Variants in CAB39L observed in about 807,000 individuals in gnomAD.
CAB39L encodes the protein calcium-binding protein 39-like.
A neutral mutation model predicts 39.1 loss-of-function variants in CAB39L; 23 were observed. The ratio of observed to expected loss-of-function variants is 0.59; its 90% CI spans 0.42 to 0.83. CAB39L has a LOEUF of 0.83. Ranked by LOEUF, CAB39L falls within the 40% of genes least tolerant of loss-of-function variation. CAB39L has a pLI of 0.00. For missense variants in CAB39L, 366 were observed against 391.9 expected, an observed-to-expected ratio of 0.93 and a Z score of 0.56; for synonymous variants, 126 against 137.2, an observed-to-expected ratio of 0.92 and a Z score of 0.57.
At chr13:49,354,516 A>G (rs2181326) in intron 6 of CAB39L, among the ~76,000 whole-genome samples, 1 of 152,348 alleles carries the variant, frequency 6.6e-6, no homozygotes, top group East Asian at 1.9e-4. Context: ...ATCAATATGT[A>G]TCCCACCTAA....
chr13:49,318,128 C>T (rs1028023246), intron 10 of CAB39L, among the ~76,000 whole-genome samples: 18 of 151,908 alleles, frequency 1.2e-4, no homozygotes, highest in Admixed American at 7.9e-4. Flanking sequence ...AAACAAAAAA[C>T]TCTGACAGTA....
chr13:49,377,848 T>A (rs1422414758), intron 4 of CAB39L, among the ~76,000 whole-genome samples: 1 of 73,406 alleles, frequency 1.4e-5, no homozygotes, highest in African/African-American at 8.0e-5. Flanking sequence ...TCTGCCTGGC[T>A]GCCCAGTCTG....
chr13:49,340,944 C>A (rs1310369725), intron 8 of CAB39L, among the ~76,000 whole-genome samples: 1 of 152,122 alleles, frequency 6.6e-6, no homozygotes, highest in Non-Finnish European at 1.5e-5. Flanking sequence ...GATGTAAAAA[C>A]AAAATTAGGT....
Position 49,352,491 on chromosome 13 carries a change from C to T in CAB39L, c.396-1579G>A, listed in dbSNP as rs183501599. The stretch of plus-strand genomic sequence containing the variant: ...AAATCTGGTGGGGCGTGACTGCTCA[C>T]TCCTGTACTCCCAGCACTTTGGGAG... On this transcript the variant is annotated intron_variant, in intron 6 of 10. Transcript: ENST00000409308. Among the ~76,000 whole-genome samples the T allele has an allele frequency of 5.3e-3, 813 of 152,110 alleles. 4 individuals carry two copies. Among genetic ancestry groups the T allele is most frequent in the Non-Finnish European group, 8.0e-3 (546 of 67,978 alleles).
chr13:49,320,282 A>C (rs1217612270), intron 10 of CAB39L, among the ~76,000 whole-genome samples: 3 of 152,166 alleles, frequency 2.0e-5, no homozygotes, highest in South Asian at 4.1e-4. Context: ...TTTTTAAAAA[A>C]TGTAATTTTC....
At chr13:49,352,344 G>T (rs906379186) in intron 6 of CAB39L, among the ~76,000 whole-genome samples, 3 of 152,028 alleles carry the variant, frequency 2.0e-5, no homozygotes, top group African/African-American at 7.3e-5. Context: ...AGTACAACAA[G>T]CCCTGTATTG....
intron 10 of CAB39L, among the ~76,000 whole-genome samples, chr13:49,325,278 C>T (rs537488377): frequency 2.3e-4 from 35 of 152,214 alleles, no homozygotes; most frequent in African/African-American, 8.4e-4. Context: ...AATGAGGACA[C>T]GATAAAGCTG....
chr13:49,428,691 A>G (rs1407746789), intron 3 of CAB39L, among the ~76,000 whole-genome samples: 1 of 152,194 alleles, frequency 6.6e-6, no homozygotes, highest in Non-Finnish European at 1.5e-5. Flanking sequence ...GGAGCTCTCC[A>G]ATAAACTTCT....
intron 3 of CAB39L, among the ~76,000 whole-genome samples, chr13:49,424,907 T>C (rs1459948661): frequency 6.6e-6 from 1 of 152,176 alleles, no homozygotes; most frequent in Admixed American, 6.5e-5. Flanking sequence ...TATCAAATTA[T>C]ATATTTTTAA....
At position 49,350,901 on chromosome 13, in the gene CAB39L, G is replaced by C; in HGVS notation, c.407C>G (p.Pro136Arg). ...AATCCCACAACGTAAGGCAATCTGTGGGGCTTCATATCTAAAGCGTAAACA... is the reference window on the plus strand; with the variant it reads ...AATCCCACAACGTAAGGCAATCTGTCGGGCTTCATATCTAAAGCGTAAACA... Reference protein sequence around the residue: ...LFMLLKGYEAPQIALRCGIML... With the variant: ...LFMLLKGYEARQIALRCGIML... Residue 136 changes from proline to arginine, a missense_variant, in exon 7 of 11, where the codon CCA becomes CGA. Transcript: ENST00000409308. 1 of 1,586,712 alleles carries C rather than the reference G, an allele frequency of 6.3e-7. No individual in the cohort carries two copies. The highest frequency in any genetic ancestry group is 1.2e-5 in the South Asian group (1 of 85,764).
At position 49,331,935 on chromosome 13, in the gene CAB39L, T is replaced by C. The variant is rs368994626; in HGVS notation, c.834+12A>G. Reference sequence around the variant, plus strand: ...TGCCTACAACATTGTTTCCAGAGCTTGTACTTTTTACCTTAAAAACATGAA... The same window carrying C: ...TGCCTACAACATTGTTTCCAGAGCTCGTACTTTTTACCTTAAAAACATGAA... On this transcript the variant is annotated intron_variant, in intron 10 of 10. Coordinates refer to ENST00000409308, the MANE Select transcript of CAB39L (RefSeq NM_001079670.3). 3 of 1,613,600 alleles carry C rather than the reference T, an allele frequency of 1.9e-6. No individual in the cohort carries two copies. The highest frequency in any genetic ancestry group is 1.3e-5 in the African/African-American group (1 of 74,892).
intron 9 of CAB39L, among the ~76,000 whole-genome samples, chr13:49,337,115 T>C (rs1954871164): frequency 6.6e-6 from 1 of 152,186 alleles, no homozygotes; most frequent in Non-Finnish European, 1.5e-5. Flanking sequence ...GCAAAGTAAA[T>C]TGACAAAAAA....
chr13:49,340,572 A>G (rs1954980541), intron 8 of CAB39L, among the ~76,000 whole-genome samples: 1 of 152,262 alleles, frequency 6.6e-6, no homozygotes, highest in Non-Finnish European at 1.5e-5. Flanking sequence ...ACAAAGGTGT[A>G]GCTCACATTA....
chr13:49,407,861 C>CAA (rs35392956), intron 3 of CAB39L, among the ~76,000 whole-genome samples: 58,055 of 113,670 alleles, frequency 0.51, 14,644 homozygotes, highest in Middle Eastern at 0.67. Context: ...GACCCCGTCT[C>CAA]AAAAAAAAAA....
intron 10 of CAB39L, among the ~76,000 whole-genome samples, chr13:49,321,669 A>G (rs1229271558): frequency 6.6e-6 from 1 of 152,178 alleles, no homozygotes. Flanking sequence ...GTTCTTAACT[A>G]CTTATCTAAA....
At chr13:49,339,770 T>C in intron 8 of CAB39L, 28 bp from the exon 9 acceptor site, 1 of 1,523,780 alleles carries the variant, frequency 6.6e-7, no homozygotes, top group African/African-American at 1.4e-5. Flanking sequence ...CACATTAGAG[T>C]GTAAAAGCAG....
intron 5 of CAB39L, among the ~76,000 whole-genome samples, chr13:49,374,701 A>G (rs953738424): frequency 1.3e-5 from 2 of 152,156 alleles, no homozygotes; most frequent in African/African-American, 2.4e-5. Flanking sequence ...TAACTCCCCA[A>G]TTCTTGGAAA....
intron 5 of CAB39L, among the ~76,000 whole-genome samples, chr13:49,373,131 C>T (rs1377619615): frequency 6.6e-6 from 1 of 152,192 alleles, no homozygotes; most frequent in Admixed American, 6.5e-5. Flanking sequence ...GAACATCTTC[C>T]TTTTGTCATG....
intron 10 of CAB39L, among the ~76,000 whole-genome samples, chr13:49,328,876 T>C (rs556138576): frequency 6.6e-6 from 1 of 152,278 alleles, no homozygotes; most frequent in Non-Finnish European, 1.5e-5. Flanking sequence ...TTATTTCTTT[T>C]TAAAGGAATT....
Sources: allele counts gnomAD v4.1 joint callset (sites outside exome capture counted in the v4.1 genomes callset), GRCh38; gene constraint gnomAD v4.1.1; transcripts MANE v1.5; gene names NCBI Gene and HGNC (gene_info 2026-07-23, HGNC 2026-07-21).